Variants in ATP6V1H observed in about 807,000 individuals in gnomAD.
The protein encoded by ATP6V1H is V-type proton ATPase subunit H.
In ATP6V1H, 39 loss-of-function variants were observed where a neutral mutation model predicts 71.7. The observed-to-expected ratio is 0.54, with a 90% CI of 0.42 to 0.71. The LOEUF (loss-of-function observed/expected upper bound fraction) is 0.71. Among genes scored for constraint, ATP6V1H ranks in the 30% least tolerant of loss-of-function variants. ATP6V1H has a pLI of 0.00. For synonymous variants in ATP6V1H, 192 were observed against 199.3 expected, an observed-to-expected ratio of 0.96 and a Z score of 0.31; for missense variants, 509 against 594.9, an observed-to-expected ratio of 0.86 and a Z score of 1.50.
intron 3 of ATP6V1H, among the ~76,000 whole-genome samples, chr8:53,830,709 C>T (rs747874723): frequency 3.0e-4 from 45 of 152,022 alleles, no homozygotes; most frequent in Non-Finnish European, 3.4e-4. Context: ...TGTTTTTGCA[C>T]ACTTACTAAG....
intron 9 of ATP6V1H, among the ~76,000 whole-genome samples, chr8:53,792,305 C>T (rs1000428629): frequency 2.0e-5 from 3 of 152,120 alleles, no homozygotes; most frequent in South Asian, 4.1e-4. Flanking sequence ...TAAACATAAT[C>T]GAAAGAAAAT....
intron 11 of ATP6V1H, 89 bp downstream of exon 11, chr8:53,769,529 A>C (rs573878350): frequency 2.2e-5 from 28 of 1,297,360 alleles, no homozygotes; most frequent in Non-Finnish European, 2.8e-5. Context: ...AAACCATAGA[A>C]TATCTAAAAT....
At position 53,829,507 on chromosome 8, in the gene ATP6V1H, C is replaced by G. The variant is rs151212229; in HGVS notation, c.243G>C (p.Met81Ile). ...SQCAKTFINL[M>I]THICKEQTVQ... Reference sequence around the variant, plus strand: ...CGGTCTGTTCTTTGCAGATATGAGTCATCAGATTTATAAATGTTTTAGCAC... The same window carrying G: ...CGGTCTGTTCTTTGCAGATATGAGTGATCAGATTTATAAATGTTTTAGCAC... The change falls in exon 4 of 14, where the codon ATG (methionine) becomes ATC (isoleucine). Residue 81 changes from methionine to isoleucine, a missense_variant. Met to Ile is a conservative substitution (Grantham distance 10). Transcript: ENST00000359530. 1 of 1,590,258 alleles carries G rather than the reference C, an allele frequency of 6.3e-7. No homozygotes were observed. Among genetic ancestry groups the G allele is most frequent in the Non-Finnish European group, 8.5e-7 (1 of 1,170,128 alleles).
chr8:53,744,275 T>C (rs1807518336), intron 12 of ATP6V1H, among the ~76,000 whole-genome samples: 1 of 119,602 alleles, frequency 8.4e-6, no homozygotes, highest in Middle Eastern at 4.3e-3. Context: ...AACATTCATA[T>C]CTTCGAGACC....
intron 5 of ATP6V1H, among the ~76,000 whole-genome samples, chr8:53,817,066 T>G (rs1032518903): frequency 6.6e-6 from 1 of 152,048 alleles, no homozygotes; most frequent in Non-Finnish European, 1.5e-5. Context: ...AACACCAATA[T>G]GGAAAGCTAT....
At chr8:53,726,183 C>A (rs1037424170) in intron 13 of ATP6V1H, among the ~76,000 whole-genome samples, 10 of 152,284 alleles carry the variant, frequency 6.6e-5, no homozygotes, top group African/African-American at 2.2e-4. Context: ...GTATAGACAT[C>A]CCTTAACATC....
intron 9 of ATP6V1H, among the ~76,000 whole-genome samples, chr8:53,772,416 C>T (rs996768517): frequency 6.6e-6 from 1 of 152,130 alleles, no homozygotes; most frequent in Non-Finnish European, 1.5e-5. Flanking sequence ...CCCAGATGAG[C>T]CCTACAACAC....
rs536079298 is a variant in ATP6V1H, at chr8:53,775,759, T to C, written c.871-3592A>G. ...CCTTGAGCTAGACACAGGGTGCTGA[T>C]TGGTGTGTTTACAATCCCTAAGCTA... On this transcript the variant is annotated intron_variant, in intron 9 of 13. Coordinates refer to ENST00000359530, the MANE Select transcript of ATP6V1H (RefSeq NM_015941.4). Among the ~76,000 whole-genome samples the C allele has an allele frequency of 5.9e-5, 9 of 152,236 alleles. No homozygotes were observed. In the East Asian group the frequency reaches 7.7e-4, roughly 13 times the overall value.
At chr8:53,822,840 G>A (rs1382968715) in intron 4 of ATP6V1H, among the ~76,000 whole-genome samples, 1 of 152,130 alleles carries the variant, frequency 6.6e-6, no homozygotes, top group Admixed American at 6.5e-5. Flanking sequence ...GCCATGAGTT[G>A]CTATACCAGT....
intron 7 of ATP6V1H, among the ~76,000 whole-genome samples, chr8:53,805,964 G>A (rs573542899): frequency 1.6e-4 from 24 of 152,124 alleles, no homozygotes; most frequent in Non-Finnish European, 2.5e-4. Flanking sequence ...TCATAATAAT[G>A]ATAACCTTTG....
At chr8:53,756,955 C>A (rs1342705475) in intron 11 of ATP6V1H, among the ~76,000 whole-genome samples, 1 of 152,118 alleles carries the variant, frequency 6.6e-6, no homozygotes, top group East Asian at 1.9e-4. Flanking sequence ...ACCAATAGAT[C>A]TTTTCCAATT....
chr8:53,782,165 A>G (rs979154818), intron 9 of ATP6V1H, among the ~76,000 whole-genome samples: 23 of 152,002 alleles, frequency 1.5e-4, no homozygotes, highest in Non-Finnish European at 4.4e-5. Context: ...GATTCTTCCT[A>G]CCCATGAGCA....
At chr8:53,796,652 G>A (rs547400562) in intron 8 of ATP6V1H, among the ~76,000 whole-genome samples, 129 of 152,246 alleles carry the variant, frequency 8.5e-4, no homozygotes, top group Non-Finnish European at 1.6e-3. Context: ...CAAAGAGTGA[G>A]CCCTAATATA....
At chr8:53,731,179 T>C (rs1807008168) in intron 13 of ATP6V1H, among the ~76,000 whole-genome samples, 1 of 151,824 alleles carries the variant, frequency 6.6e-6, no homozygotes, top group South Asian at 2.1e-4. Context: ...CAGCCACATC[T>C]CCACCAACTC....
intron 9 of ATP6V1H, among the ~76,000 whole-genome samples, chr8:53,791,171 AT>A (rs1185638292): frequency 6.6e-6 from 1 of 152,214 alleles, no homozygotes; most frequent in East Asian, 1.9e-4. Flanking sequence ...TGCAATATCT[AT>A]TTTGCCACAG....
chr8:53,803,190 A>G (rs911568757), intron 7 of ATP6V1H, among the ~76,000 whole-genome samples: 37 of 152,186 alleles, frequency 2.4e-4, no homozygotes, highest in African/African-American at 8.7e-4. Flanking sequence ...TACAAAAATT[A>G]GCCAGGTGTG....
intron 13 of ATP6V1H, among the ~76,000 whole-genome samples, chr8:53,739,306 AT>A (rs1298773606): frequency 6.6e-6 from 1 of 152,208 alleles, no homozygotes; most frequent in African/African-American, 2.4e-5. Context: ...ATAAGTAACT[AT>A]TTTAATCACT....
intron 13 of ATP6V1H, among the ~76,000 whole-genome samples, chr8:53,734,463 T>C (rs763047699): frequency 6.6e-6 from 1 of 152,210 alleles, no homozygotes; most frequent in Non-Finnish European, 1.5e-5. Context: ...CCCAGAAGGA[T>C]GAACTCATTG....
At chr8:53,720,521 C>T (rs1352424658) in intron 13 of ATP6V1H, among the ~76,000 whole-genome samples, 1 of 152,220 alleles carries the variant, frequency 6.6e-6, no homozygotes, top group African/African-American at 2.4e-5. Flanking sequence ...GCTATAGTAA[C>T]TCTTCAAACA....
Sources: gnomAD v4.1 joint callset for allele counts (sites outside exome capture counted in the v4.1 genomes callset) on GRCh38, gnomAD v4.1.1 for gene constraint, MANE v1.5 for transcripts, NCBI Gene and HGNC (gene_info 2026-07-23, HGNC 2026-07-21) for gene names.